GABRG3: variants seen among roughly 807,000 people sequenced by gnomAD.
The protein encoded by GABRG3 is gamma-aminobutyric acid type A receptor subunit gamma3, also known as gamma-aminobutyric acid receptor subunit gamma-3.
In GABRG3, 25 loss-of-function variants were observed where a neutral mutation model predicts 48.8. The observed-to-expected ratio is 0.51, with a 90% CI of 0.37 to 0.72. The LOEUF is 0.72. Among genes scored for constraint, GABRG3 ranks in the 30% least tolerant of loss-of-function variants. The probability of loss-of-function intolerance (pLI) is 0.00; values close to 1 mark genes in which losing one functional copy is unlikely to be tolerated. For missense variants in GABRG3, 394 were observed against 577.9 expected (o/e 0.68, Z 3.26); for synonymous variants, 227 against 217.6 (o/e 1.04, Z -0.38).
At position 27,168,217 on chromosome 15, in the gene GABRG3, T is replaced by C. The variant is rs1219395866; in HGVS notation, c.270+141396T>C. Among the ~76,000 whole-genome samples, 3 of 152,052 alleles carry C rather than the reference T, an allele frequency of 2.0e-5. 1 individual carries two copies. The highest frequency in any genetic ancestry group is 4.1e-4 in the South Asian group (2 of 4,826). ...CCACTTGATGTCATGGGGGAGCAGCTGGAGTTGAGAATGTGCTCATGCAGT... is the reference window on the plus strand; with the variant it reads ...CCACTTGATGTCATGGGGGAGCAGCCGGAGTTGAGAATGTGCTCATGCAGT... On this transcript the variant is annotated intron_variant, in intron 3 of 9. Transcript: ENST00000615808.
chr15:27,185,049 T>A (rs577824578), intron 3 of GABRG3, among the ~76,000 whole-genome samples: 1 of 152,256 alleles, frequency 6.6e-6, no homozygotes, highest in South Asian at 2.1e-4. Flanking sequence ...TTGTTCTTAT[T>A]TTCATTATTT....
At chr15:27,383,867 A>G (rs192366068) in intron 5 of GABRG3, among the ~76,000 whole-genome samples, 35 of 152,362 alleles carry the variant, frequency 2.3e-4, no homozygotes, top group Middle Eastern at 3.4e-3. Context: ...AAAGTGTATG[A>G]TAACAGCAAA....
At chr15:27,215,929 A>G (rs11638503) in intron 3 of GABRG3, among the ~76,000 whole-genome samples, 40,188 of 152,018 alleles carry the variant, frequency 0.26, 5,989 homozygotes, top group South Asian at 0.45. Flanking sequence ...AATAATCTAT[A>G]CTCGTGTCTT....
At chr15:27,097,270 C>T (rs1411400594) in intron 3 of GABRG3, among the ~76,000 whole-genome samples, 1 of 152,012 alleles carries the variant, frequency 6.6e-6, no homozygotes, top group Non-Finnish European at 1.5e-5. Flanking sequence ...GGAAGCTGCC[C>T]AGAAAGGCTG....
At chr15:27,454,259 C>A (rs1889195823) in intron 5 of GABRG3, among the ~76,000 whole-genome samples, 1 of 152,118 alleles carries the variant, frequency 6.6e-6, no homozygotes, top group African/African-American at 2.4e-5. Context: ...GCGTGTGGTC[C>A]AACATGGACA....
Position 26,977,078 on chromosome 15 carries a change from G to C in GABRG3, c.130G>C (p.Asp44His), listed in dbSNP as rs1467266347. Reference sequence around the variant, plus strand: ...GTGGGTCTTGGCTCCAAAATCCCAAGACACCGACGTGACTCTTATTCTCAA... The same window carrying C: ...GTGGGTCTTGGCTCCAAAATCCCAACACACCGACGTGACTCTTATTCTCAA... ...QKWVLAPKSQ[D>H]TDVTLILNKL... is the part of the protein sequence containing the mutation. The change falls in exon 2 of 10, where the codon GAC becomes CAC. Residue 44 changes from aspartate to histidine, a missense_variant. By Grantham distance (81) the Asp-to-His change is moderately conservative. Around this residue, in one of 3 missense-constraint regions of GABRG3, gnomAD observed 218 missense variants for 309.9 expected, o/e 0.70. Transcript: ENST00000615808. 6.2e-7 allele frequency: 1 copy of C among 1,613,992 alleles called. No homozygotes were observed. The highest frequency in any genetic ancestry group is 8.5e-7 in the Non-Finnish European group (1 of 1,179,870).
At chr15:27,250,475 A>G (rs1204930154) in intron 3 of GABRG3, among the ~76,000 whole-genome samples, 1 of 152,186 alleles carries the variant, frequency 6.6e-6, no homozygotes, top group South Asian at 2.1e-4. Flanking sequence ...TCTGTTGTCC[A>G]GGCTGGAGTG....
chr15:27,421,763 T>C (rs1467195902), intron 5 of GABRG3, among the ~76,000 whole-genome samples: 1 of 150,810 alleles, frequency 6.6e-6, no homozygotes, highest in South Asian at 2.1e-4. Flanking sequence ...TGTTCTAAGA[T>C]ATCCATGGGA....
chr15:27,073,790 T>C (rs1295506279), intron 3 of GABRG3, among the ~76,000 whole-genome samples: 1 of 152,128 alleles, frequency 6.6e-6, no homozygotes, highest in Admixed American at 6.6e-5. Flanking sequence ...GAGATTGGGG[T>C]GTCGGCCCTG....
chr15:27,064,575 C>G (rs969201907), intron 3 of GABRG3, among the ~76,000 whole-genome samples: 24 of 152,120 alleles, frequency 1.6e-4, no homozygotes, highest in Non-Finnish European at 3.2e-4. Context: ...TCCTCTAGCC[C>G]CTGTGTTTCA....
At chr15:27,071,356 G>A (rs1286707585) in intron 3 of GABRG3, among the ~76,000 whole-genome samples, 3 of 152,138 alleles carry the variant, frequency 2.0e-5, no homozygotes, top group Non-Finnish European at 2.9e-5. Context: ...GCGCTGATTC[G>A]AGGTGAGGCT....
chr15:27,059,967 T>C (rs2140721516), intron 3 of GABRG3, among the ~76,000 whole-genome samples: 1 of 152,344 alleles, frequency 6.6e-6, no homozygotes, highest in Admixed American at 6.5e-5. Context: ...TAGATTTTCT[T>C]CTCTTAAGTA....
chr15:27,172,424 A>T (rs1344666344), intron 3 of GABRG3, among the ~76,000 whole-genome samples: 1 of 151,320 alleles, frequency 6.6e-6, no homozygotes, highest in African/African-American at 2.4e-5. Flanking sequence ...CCCACCCCCA[A>T]CTCCCGCCAC....
chr15:27,355,852 A>G (rs774466436), intron 5 of GABRG3, among the ~76,000 whole-genome samples: 42 of 152,344 alleles, frequency 2.8e-4, no homozygotes, highest in Non-Finnish European at 6.2e-4. Flanking sequence ...ATGCAAAGTG[A>G]AAAAACCAGA....
intron 3 of GABRG3, among the ~76,000 whole-genome samples, chr15:27,192,623 C>T (rs1048567206): frequency 1.3e-5 from 2 of 152,132 alleles, no homozygotes; most frequent in African/African-American, 2.4e-5. Flanking sequence ...GTTATACATT[C>T]GTCTAAATTG....
At chr15:27,063,141 C>T (rs963891379) in intron 3 of GABRG3, among the ~76,000 whole-genome samples, 4 of 152,200 alleles carry the variant, frequency 2.6e-5, no homozygotes, top group African/African-American at 9.6e-5. Context: ...TAAACTGTTG[C>T]AAGATGAGGA....
chr15:27,271,814 G>A (rs189371584), intron 3 of GABRG3, among the ~76,000 whole-genome samples: 1 of 152,350 alleles, frequency 6.6e-6, no homozygotes, highest in Non-Finnish European at 1.5e-5. Flanking sequence ...AAGCTTTGCT[G>A]TTAAAACTTG....
At chr15:27,029,554 A>G (rs1357420185) in intron 3 of GABRG3, among the ~76,000 whole-genome samples, 1 of 152,188 alleles carries the variant, frequency 6.6e-6, no homozygotes, top group Admixed American at 6.5e-5. Flanking sequence ...ACACACGCAC[A>G]CACACGCACA....
Position 26,971,382 on chromosome 15 carries a change from C to T in GABRG3, c.-154C>T. On this transcript the variant is annotated 5_prime_UTR_variant, in exon 1 of 10. Coordinates refer to ENST00000615808, the MANE Select transcript of GABRG3 (RefSeq NM_033223.5). ...GTCCAGTGTGCGCCCCGCGGGGGCG[C>T]GGCCAGCGCCAGAGTAGATACCTGT... is the stretch of plus-strand genomic sequence containing the variant. 2.1e-6 allele frequency: 1 copy of T among 466,924 alleles called. No individual in the cohort carries two copies. Among genetic ancestry groups the T allele is most frequent in the Non-Finnish European group, 3.4e-6 (1 of 293,518 alleles). The allele number at this position is 466,924 out of a possible 1,614,324, so 28.9% of individuals were successfully genotyped here.
Sources: gnomAD v4.1 joint callset for allele counts (sites outside exome capture counted in the v4.1 genomes callset) on GRCh38, gnomAD v4.1.1 for gene constraint, gnomAD v4.1.1 regional missense constraint, MANE v1.5 for transcripts, NCBI Gene and HGNC (gene_info 2026-07-23, HGNC 2026-07-21) for gene names.